CNBD1: variants seen among roughly 807,000 people sequenced by gnomAD.
The protein encoded by CNBD1 is cyclic nucleotide-binding domain-containing protein 1.
In CNBD1, 71 loss-of-function variants were observed where a neutral mutation model predicts 54.4. The observed-to-expected ratio is 1.30, with a 90% confidence interval of 1.08 to 1.59. CNBD1 has a LOEUF of 1.59. Ranked by LOEUF, CNBD1 falls within the 40% of genes most tolerant of loss-of-function variation. CNBD1 has a pLI of 0.00. For missense variants in CNBD1, 659 were observed against 518.0 expected, an observed-to-expected ratio of 1.27 and a Z score of -2.64; for synonymous variants, 182 against 170.7, an observed-to-expected ratio of 1.07 and a Z score of -0.51.
chr8:87,191,969 T>G (rs748390775), intron 4 of CNBD1, among the ~76,000 whole-genome samples: 1 of 152,200 alleles, frequency 6.6e-6, no homozygotes, highest in Non-Finnish European at 1.5e-5. Context: ...TAAAAATTTA[T>G]ATAACATTAC....
chr8:87,377,319 C>G (rs1810969671), intron 10 of CNBD1, among the ~76,000 whole-genome samples: 2 of 146,708 alleles, frequency 1.4e-5, no homozygotes. Context: ...CACCCCACAA[C>G]AGTCCCCAGA....
intron 8 of CNBD1, among the ~76,000 whole-genome samples, chr8:87,301,458 G>A (rs1237410370): frequency 6.9e-6 from 1 of 145,286 alleles, no homozygotes; most frequent in Non-Finnish European, 1.6e-5. Flanking sequence ...TAAAATATTT[G>A]CTAACTAAAT....
intron 6 of CNBD1, among the ~76,000 whole-genome samples, chr8:87,244,242 G>A (rs771054728): frequency 2.6e-5 from 4 of 152,088 alleles, no homozygotes; most frequent in Non-Finnish European, 5.9e-5. Flanking sequence ...ACAAATGGCT[G>A]CATTTCTTTC....
chr8:87,221,941 G>C (rs903841063), intron 5 of CNBD1, among the ~76,000 whole-genome samples: 1 of 151,848 alleles, frequency 6.6e-6, no homozygotes, highest in African/African-American at 2.4e-5. Context: ...AACTACTCCT[G>C]GTACCTTAGA....
intron 4 of CNBD1, among the ~76,000 whole-genome samples, chr8:86,973,883 G>C (rs1163148807): frequency 1.3e-5 from 2 of 152,116 alleles, no homozygotes; most frequent in African/African-American, 4.8e-5. Flanking sequence ...TTCGGAGAGT[G>C]ACTTGATACT....
chr8:87,045,923 C>CCCA (rs1810178095), intron 4 of CNBD1, among the ~76,000 whole-genome samples: 1 of 151,380 alleles, frequency 6.6e-6, no homozygotes, highest in African/African-American at 2.4e-5. Flanking sequence ...CGCCTGTAGT[C>CCCA]CCAGCTATTC....
intron 4 of CNBD1, among the ~76,000 whole-genome samples, chr8:87,186,448 T>C (rs1813477765): frequency 6.6e-6 from 1 of 152,124 alleles, no homozygotes; most frequent in Non-Finnish European, 1.5e-5. Context: ...AGCTCCATTC[T>C]CTACCCTATT....
intron 6 of CNBD1, among the ~76,000 whole-genome samples, chr8:87,280,904 C>G (rs1327091809): frequency 6.6e-6 from 1 of 151,398 alleles, no homozygotes; most frequent in Non-Finnish European, 1.5e-5. Context: ...AGAAACTGTT[C>G]CATCTGTGCA....
chr8:87,102,607 T>C (rs1811452571), intron 4 of CNBD1, among the ~76,000 whole-genome samples: 1 of 151,130 alleles, frequency 6.6e-6, no homozygotes, highest in Non-Finnish European at 1.5e-5. Context: ...GCAGCAGGAC[T>C]TTTTTTTGTT....
At chr8:87,085,436 T>A (rs551682618) in intron 4 of CNBD1, among the ~76,000 whole-genome samples, 3 of 152,272 alleles carry the variant, frequency 2.0e-5, no homozygotes, top group Non-Finnish European at 4.4e-5. Context: ...GTCTTTTTTT[T>A]ATTTGTGTCT....
intron 4 of CNBD1, among the ~76,000 whole-genome samples, chr8:87,149,139 G>C (rs544220147): frequency 2.6e-5 from 4 of 152,110 alleles, no homozygotes; most frequent in Non-Finnish European, 5.9e-5. Flanking sequence ...CTTTCTGTAC[G>C]TAGGTAGGAT....
At chr8:87,400,930 A>C (rs1807552878) in intron 2 of CNBD1, among the ~76,000 whole-genome samples, 1 of 151,978 alleles carries the variant, frequency 6.6e-6, no homozygotes, top group Non-Finnish European at 1.5e-5. Flanking sequence ...TGGATTAGAC[A>C]TTGTTTCTTA....
chr8:87,067,332 A>G (rs555576060), intron 4 of CNBD1, among the ~76,000 whole-genome samples: 25 of 152,094 alleles, frequency 1.6e-4, no homozygotes, highest in Non-Finnish European at 3.4e-4. Flanking sequence ...ATGCAGTTCC[A>G]CCCTTATAAT....
chr8:87,327,962 C>G (rs554728387), intron 8 of CNBD1, among the ~76,000 whole-genome samples: 37 of 150,986 alleles, frequency 2.5e-4, no homozygotes, highest in Non-Finnish European at 4.6e-4. Context: ...ATGTTGATAT[C>G]CAGTTTTTCT....
intron 4 of CNBD1, among the ~76,000 whole-genome samples, chr8:87,188,248 T>C (rs1041913359): frequency 6.6e-6 from 1 of 152,180 alleles, no homozygotes; most frequent in Non-Finnish European, 1.5e-5. Context: ...TCCACTACTT[T>C]CCATGACACA....
intron 4 of CNBD1, among the ~76,000 whole-genome samples, chr8:87,180,723 G>A (rs1813294641): frequency 1.3e-5 from 2 of 151,922 alleles, no homozygotes; most frequent in South Asian, 4.1e-4. Flanking sequence ...ATTCCACCTG[G>A]ACTAAAAAAG....
intron 5 of CNBD1, among the ~76,000 whole-genome samples, chr8:87,223,074 A>G (rs1304386041): frequency 6.7e-6 from 1 of 149,918 alleles, no homozygotes; most frequent in Non-Finnish European, 1.5e-5. Context: ...TTTTTCAACA[A>G]ACCACTTTTA....
At chr8:87,299,474 C>T (rs545392933) in intron 8 of CNBD1, among the ~76,000 whole-genome samples, 2 of 152,312 alleles carry the variant, frequency 1.3e-5, no homozygotes, top group East Asian at 1.9e-4. Flanking sequence ...TCCATCTTCT[C>T]CTCCTGTTCA....
At chr8:87,425,953 G>A (rs912675843) in intron 2 of CNBD1, among the ~76,000 whole-genome samples, 1 of 152,208 alleles carries the variant, frequency 6.6e-6, no homozygotes, top group Non-Finnish European at 1.5e-5. Context: ...TCAGACTGCT[G>A]TGCTAGCAAT....
Sources: gnomAD v4.1 joint callset for allele counts (sites outside exome capture counted in the v4.1 genomes callset) on GRCh38, gnomAD v4.1.1 for gene constraint, MANE v1.5 for transcripts, NCBI Gene and HGNC (gene_info 2026-07-23, HGNC 2026-07-21) for gene names.